The following ZNF705A variants were observed in gnomAD, a reference collection of about 807,000 sequenced individuals.
The protein encoded by ZNF705A is zinc finger protein 705A.
Under a neutral mutation model 16.6 loss-of-function variants are expected in ZNF705A, and 8 were observed. The observed-to-expected ratio is 0.48, with a 90% CI of 0.28 to 0.87. ZNF705A has a LOEUF of 0.87. Ranked by LOEUF, ZNF705A falls within the 40% of genes least tolerant of loss-of-function variation. The probability of loss-of-function intolerance (pLI) is 0.10; values close to 1 mark genes in which losing one functional copy is unlikely to be tolerated. For missense variants in ZNF705A, 233 were observed against 359.9 expected, an observed-to-expected ratio of 0.65 and a Z score of 2.85; for synonymous variants, 73 against 117.3, an observed-to-expected ratio of 0.62 and a Z score of 2.44.
At chr12:8,168,258 T>A (rs1241015486), upstream of ZNF705A, among the ~76,000 whole-genome samples, 1 of 152,170 alleles carries the variant, frequency 6.6e-6, no homozygotes, top group African/African-American at 2.4e-5. Context: ...GCTGCCTAAT[T>A]ATCATTTTTA....
exon 5 of ZNF705A, chr12:8,177,279 A>G: frequency 6.2e-7 from 1 of 1,611,894 alleles, no homozygotes; most frequent in Admixed American, 1.7e-5. Context: ...GAGAGGCCAT[A>G]TGCATGTCAT....
upstream of ZNF705A, among the ~76,000 whole-genome samples, chr12:8,169,927 C>A (rs538702653): frequency 2.0e-5 from 3 of 152,260 alleles, no homozygotes; most frequent in Middle Eastern, 6.8e-3. Context: ...CGGTGGCTCA[C>A]GCCTGTAATC....
chr12:8,160,301 A>T (rs1948342991), intron 1 of ZNF705A, among the ~76,000 whole-genome samples: 1 of 152,088 alleles, frequency 6.6e-6, no homozygotes, highest in South Asian at 2.1e-4. Context: ...TGCTTTAACT[A>T]TGCAGGCTCC....
upstream of ZNF705A, chr12:8,168,902 A>AT (rs1285520210): frequency 2.6e-5 from 4 of 152,130 alleles, no homozygotes; most frequent in African/African-American, 7.2e-5. Context: ...TACTTAGATT[A>AT]TTTTTTTAAA....
upstream of ZNF705A, among the ~76,000 whole-genome samples, chr12:8,171,127 G>A (rs1196662997): frequency 2.0e-5 from 3 of 152,094 alleles, no homozygotes; most frequent in Admixed American, 2.0e-4. Context: ...AATCAGCAGG[G>A]TTATTATGAG....
intron 1 of ZNF705A, among the ~76,000 whole-genome samples, chr12:8,173,674 A>T (rs1263476314): frequency 6.6e-6 from 1 of 152,202 alleles, no homozygotes; most frequent in Non-Finnish European, 1.5e-5. Flanking sequence ...AAGAGACTAT[A>T]TGTATGAATT....
At chr12:8,159,089 C>T (rs1425317752) in intron 1 of ZNF705A, among the ~76,000 whole-genome samples, 1 of 152,094 alleles carries the variant, frequency 6.6e-6, no homozygotes, top group Admixed American at 6.6e-5. Flanking sequence ...TGAGTTGCTT[C>T]ACTTAGAATA....
chr12:8,174,890 G>A (rs1364861591), intron 2 of ZNF705A, among the ~76,000 whole-genome samples: 2 of 151,992 alleles, frequency 1.3e-5, no homozygotes. Flanking sequence ...TTTGTTCTGT[G>A]TGAGAATAAT....
intron 4 of ZNF705A, among the ~76,000 whole-genome samples, 162 bp downstream of exon 5, chr12:8,176,104 G>A (rs779337664): frequency 5.3e-4 from 81 of 152,342 alleles, no homozygotes; most frequent in African/African-American, 1.9e-3. Flanking sequence ...ACATTGAACT[G>A]TGTTCTAAAC....
chr12:8,170,363 A>G (rs1420174996), upstream of ZNF705A, among the ~76,000 whole-genome samples: 1 of 152,190 alleles, frequency 6.6e-6, no homozygotes, highest in Non-Finnish European at 1.5e-5. Flanking sequence ...ACATGTTTTT[A>G]AAAGTTTCTC....
At chr12:8,171,316 A>T (rs1948442979), upstream of ZNF705A, among the ~76,000 whole-genome samples, 1 of 152,298 alleles carries the variant, frequency 6.6e-6, no homozygotes, top group Non-Finnish European at 1.5e-5. Flanking sequence ...TTAGCAGGGA[A>T]ATAATACATG....
chr12:8,176,872 A>G (rs1948487556), intron 4 of ZNF705A, 127 bp from the exon 6 acceptor site: 2 of 1,406,056 alleles, frequency 1.4e-6, no homozygotes, highest in Admixed American at 4.7e-5. Flanking sequence ...CTTTCACACA[A>G]GAAACATTGG....
At chr12:8,161,759 G>A (rs1013080587) in intron 1 of ZNF705A, among the ~76,000 whole-genome samples, 4 of 152,144 alleles carry the variant, frequency 2.6e-5, no homozygotes, top group Admixed American at 6.5e-5. Context: ...AAACAAGGAA[G>A]TAGCCTTAGG....
chr12:8,173,155 A>G (rs779200310), intron 1 of ZNF705A, among the ~76,000 whole-genome samples: 1 of 152,358 alleles, frequency 6.6e-6, no homozygotes, highest in South Asian at 2.1e-4. Context: ...GTGTGATAGG[A>G]CTTGCTGTGC....
chr12:8,170,196 C>CAAAAAAAAAAAAAAAAAAA (rs1188328005), upstream of ZNF705A, among the ~76,000 whole-genome samples: 9 of 126,534 alleles, frequency 7.1e-5, no homozygotes, highest in African/African-American at 3.3e-4. Context: ...CCCCCCCCCC[C>CAAAAAAAAAAAAAAAAAAA]AAAAAAAAAA....
chr12:8,164,603 G>C (rs927803042), intron 1 of ZNF705A, among the ~76,000 whole-genome samples: 1 of 152,120 alleles, frequency 6.6e-6, no homozygotes, highest in Admixed American at 6.5e-5. Flanking sequence ...TTCTGTTCGT[G>C]GGTTAGTTTG....
exon 5 of ZNF705A, chr12:8,178,538 G>A (rs917347582): frequency 2.2e-4 from 33 of 152,338 alleles, no homozygotes; most frequent in African/African-American, 7.7e-4. Context: ...CATCAGAAAA[G>A]TGAGTCAAGA....
Position 8,163,702 on chromosome 12 carries a change from G to C in ZNF705A, c.-72+6610G>C, listed in dbSNP as rs765393258. Among the ~76,000 whole-genome samples the C allele has an allele frequency of 2.6e-4, 40 of 152,288 alleles. No homozygotes were observed. In the South Asian group the frequency reaches 8.3e-3, roughly 32 times the overall value. ...TCTATAGTTCTACCTACCATGGCTA[G>C]TACAGATACCTGCCAAATTCATTAG... On this transcript the variant is annotated intron_variant, in intron 1 of 5. Transcript: ENST00000396570.
intron 4 of ZNF705A, 77 bp downstream of exon 5, chr12:8,176,019 T>G (rs981079561): frequency 1.3e-6 from 2 of 1,591,592 alleles, no homozygotes. Context: ...TGAAGCACAA[T>G]CACCTGAGTG....
Sources: gnomAD v4.1 joint callset for allele counts (sites outside exome capture counted in the v4.1 genomes callset) on GRCh38, gnomAD v4.1.1 for gene constraint, MANE v1.5 for transcripts, NCBI Gene and HGNC (gene_info 2026-07-23, HGNC 2026-07-21) for gene names.